The following CFHR4 variants were observed in gnomAD, a reference collection of about 807,000 sequenced individuals.
CFHR4 encodes complement factor H-related protein 4.
CFHR4 carries 64 observed loss-of-function variants against 69.3 expected under a neutral mutation model. That is an observed-to-expected ratio of 0.92 (90% confidence interval 0.76 to 1.14). The LOEUF (loss-of-function observed/expected upper bound fraction) is 1.14. Ranked by LOEUF, CFHR4 falls within the 50% of genes most tolerant of loss-of-function variation. The pLI, the probability that CFHR4 is intolerant of heterozygous loss-of-function variation, is 0.00. For missense variants in CFHR4, 636 were observed against 684.9 expected (o/e 0.93, Z 0.80); for synonymous variants, 244 against 237.0 (o/e 1.03, Z -0.27).
chr1:196,910,083 C>T (rs1254699801), intron 5 of CFHR4, among the ~76,000 whole-genome samples, 198 bp from the exon 6 acceptor site: 2 of 144,726 alleles, frequency 1.4e-5, no homozygotes, highest in Admixed American at 1.4e-4. Flanking sequence ...ACCTGGGAGA[C>T]GGAGGTCACA....
rs116892519 is a variant in CFHR4, at chr1:196,896,478, T to C, written c.59-5940T>C. Among the ~76,000 whole-genome samples the C allele has an allele frequency of 3.0e-4, 46 of 151,692 alleles. No individual in the cohort carries two copies. The East Asian group carries it at 8.7e-3, about 29-fold the overall frequency. On this transcript the variant is annotated intron_variant, in intron 1 of 9. Transcript: ENST00000608469. ...GCCGAAAAACAATGGCCGCCTATCTTTCTGTCTGCATCTCTGTGATCAAAG... is the reference window on the plus strand; with the variant it reads ...GCCGAAAAACAATGGCCGCCTATCTCTCTGTCTGCATCTCTGTGATCAAAG...
intron 9 of CFHR4, among the ~76,000 whole-genome samples, chr1:196,917,684 G>A (rs1171275783): frequency 6.6e-6 from 1 of 151,402 alleles, no homozygotes; most frequent in African/African-American, 2.4e-5. Flanking sequence ...ATGTATGTAT[G>A]TATATATAGA....
intron 6 of CFHR4, among the ~76,000 whole-genome samples, chr1:196,912,292 G>T (rs1471910060): frequency 6.6e-6 from 1 of 151,292 alleles, no homozygotes; most frequent in Admixed American, 6.6e-5. Context: ...GGAGACAACG[G>T]ATTTACAAAA....
rs956067956 is a variant in CFHR4 at position 196,913,018 on chromosome 1, G to T, written c.1180+96G>T. The stretch of plus-strand genomic sequence containing the variant: ...CTTAAAAATATAGAAAACACTTTTA[G>T]GAGTAAAGAGATACAAATACTTCTA... On this transcript the variant is annotated intron_variant, in intron 7 of 9. Coordinates refer to ENST00000608469, the MANE Select transcript of CFHR4 (RefSeq NM_001201550.3). The T allele has an allele frequency of 1.6e-5, 26 of 1,585,892 alleles. No individual in the cohort carries two copies. The Admixed American group carries it at 4.6e-4, about 28-fold the overall frequency.
intron 2 of CFHR4, among the ~76,000 whole-genome samples, chr1:196,902,821 G>T (rs961944623): frequency 1.3e-5 from 2 of 151,386 alleles, no homozygotes; most frequent in South Asian, 4.2e-4. Context: ...TGAGAATACC[G>T]ATATAATTTA....
intron 1 of CFHR4, among the ~76,000 whole-genome samples, chr1:196,894,597 G>T (rs539339758): frequency 6.6e-5 from 10 of 151,144 alleles, no homozygotes; most frequent in African/African-American, 2.2e-4. Context: ...GTTGAAAGAC[G>T]TTTTTTTTCT....
At chr1:196,911,910 A>C (rs1386348334) in intron 6 of CFHR4, among the ~76,000 whole-genome samples, 8 of 151,476 alleles carry the variant, frequency 5.3e-5, no homozygotes, top group Admixed American at 5.3e-4. Context: ...TAGATCAGAA[A>C]ACTCATGATT....
intron 5 of CFHR4, among the ~76,000 whole-genome samples, chr1:196,909,531 A>G (rs1021434440): frequency 4.0e-5 from 6 of 151,608 alleles, no homozygotes; most frequent in Admixed American, 2.0e-4. Context: ...TTGGATTTCA[A>G]AAGTGATATG....
In CFHR4 at chr1:196,912,964, G is replaced by T. The variant is rs373856577; in HGVS notation, c.1180+42G>T. ...TTCCCATTCAGTTTCTGTCAACTTCGTTCCTCTCTTTGAGATGATAGTGTT... is the reference window on the plus strand; with the variant it reads ...TTCCCATTCAGTTTCTGTCAACTTCTTTCCTCTCTTTGAGATGATAGTGTT... On this transcript the variant is annotated intron_variant, in intron 7 of 9. Transcript: ENST00000608469. The T allele has an allele frequency of 2.6e-4, 414 of 1,609,724 alleles. 5 individuals are homozygous for T. The highest frequency in any genetic ancestry group is 2.3e-4 in the Non-Finnish European group (269 of 1,177,886).
At chr1:196,910,241 G>A (rs1331066513) in intron 5 of CFHR4, 40 bp from the exon 6 acceptor site, 5 of 1,221,298 alleles carry the variant, frequency 4.1e-6, no homozygotes, top group African/African-American at 3.1e-5. Context: ...GTCTGTTACA[G>A]TGAAACATTA....
chr1:196,909,928 G>A (rs1379046281), intron 5 of CFHR4, among the ~76,000 whole-genome samples: 2 of 151,122 alleles, frequency 1.3e-5, no homozygotes, highest in Non-Finnish European at 2.9e-5. Flanking sequence ...AAAGCAGGTC[G>A]ATCACCTGAG....
chr1:196,890,705 T>C (rs1364542577), intron 1 of CFHR4, among the ~76,000 whole-genome samples: 1 of 151,516 alleles, frequency 6.6e-6, no homozygotes, highest in East Asian at 1.9e-4. Flanking sequence ...TTACACTCTG[T>C]TGCCATTGTA....
chr1:196,912,800 T>A lies in CFHR4; in HGVS notation c.1058T>A (p.Ile353Asn). 1 of 1,598,590 alleles carries A rather than the reference T, an allele frequency of 6.3e-7. No homozygotes were observed. Among genetic ancestry groups the A allele is most frequent in the Non-Finnish European group, 8.5e-7 (1 of 1,172,444 alleles). ...ENGFISESSS[I>N]YILNKEIQYK... The stretch of plus-strand genomic sequence containing the variant: ...GGATTCATTTCTGAATCTTCCTCTA[T>A]TTATATTTTAAATAAAGAAATACAA... Residue 353 changes from isoleucine to asparagine, a missense_variant, in exon 7 of 10, where the codon ATT becomes AAT. By Grantham distance (149) the Ile-to-Asn change is moderately radical. Coordinates refer to ENST00000608469, the MANE Select transcript of CFHR4 (RefSeq NM_001201550.3).
Position 196,909,264 on chromosome 1 carries a change from T to C in CFHR4, c.800-1017T>C, listed in dbSNP as rs181428582. Among the ~76,000 whole-genome samples the C allele has an allele frequency of 1.1e-3, 165 of 151,500 alleles. 4 individuals are homozygous for C. Among genetic ancestry groups the C allele is most frequent in the African/African-American group, 3.9e-3 (160 of 41,110 alleles). ...TGAGGACATAAGATCAGTTCCATGA[T>C]ACAAGCAAGACTTTCAGTCTTAAAA... On this transcript the variant is annotated intron_variant, in intron 5 of 9. Coordinates refer to ENST00000608469, the MANE Select transcript of CFHR4 (RefSeq NM_001201550.3).
chr1:196,905,159 C>A lies in CFHR4; in HGVS notation c.308C>A (p.Ser103Tyr). The change falls in exon 3 of 10, where the codon TCT becomes TAT. Residue 103 changes from serine (S) to tyrosine (Y), a missense_variant. Physicochemically the swap from Ser to Tyr is moderately radical, Grantham distance 144. This residue lies in a region of CFHR4 where 529 missense variants were observed against 533.2 expected (regional missense o/e 0.99). Transcript: ENST00000608469. Reference protein sequence around the residue: ...VEIENGFISESSSIYILNEET... With the variant: ...VEIENGFISEYSSIYILNEET... ...ATTGAAAATGGATTCATTTCTGAAT[C>A]TTCCTCTATTTATATTTTAAATGAA... 6.2e-7 allele frequency: 1 copy of A among 1,607,102 alleles called. No homozygotes were observed. The highest frequency in any genetic ancestry group is 8.5e-7 in the Non-Finnish European group (1 of 1,177,020).
chr1:196,902,600 A>G lies in CFHR4; in HGVS notation c.241A>G (p.Thr81Ala). The change falls in exon 2 of 10, where the codon ACG becomes GCG. Residue 81 changes from threonine to alanine, a missense_variant. Physicochemically the swap from Thr to Ala is moderately conservative, Grantham distance 58. Transcript: ENST00000608469. The stretch of plus-strand genomic sequence containing the variant: ...TTGCACACAAGATGGTTGGTCACCA[A>G]CGGTCCCATGCCTCAGTAAGTAAAC... ...IHCTQDGWSP[T>A]VPCLRTCSKS... 1.2e-6 allele frequency: 2 copies of G among 1,610,890 alleles called. No homozygotes were observed. Among genetic ancestry groups the G allele is most frequent in the Non-Finnish European group, 1.7e-6 (2 of 1,178,018 alleles).
At position 196,912,882 on chromosome 1, in the gene CFHR4, A is replaced by G. The variant is rs768416897; in HGVS notation, c.1140A>G (p.Thr380=). The change falls in exon 7 of 10, where the codon ACA becomes ACG. Residue 380 remains threonine, a synonymous_variant. Transcript: ENST00000608469. Reference sequence around the variant, plus strand: ...ATGGAAATTCTTCAGGTTCAATTACATGTTTGCAAAATGGATGGTCAGCAC... The same window carrying G: ...ATGGAAATTCTTCAGGTTCAATTACGTGTTTGCAAAATGGATGGTCAGCAC... ...TADGNSSGSI[T]CLQNGWSAQP... 1.1e-5 allele frequency: 17 copies of G among 1,611,640 alleles called. No individual in the cohort carries two copies. The Admixed American group carries it at 1.2e-4, about 11-fold the overall frequency.
In CFHR4 at chr1:196,907,774, C is replaced by A. The variant is rs182625833; in HGVS notation, c.799+276C>A. Reference sequence around the variant, plus strand: ...CTTCAAGAATGATATCCATTTATTGCACACATATGAAATACAGCATCTCAC... The same window carrying A: ...CTTCAAGAATGATATCCATTTATTGAACACATATGAAATACAGCATCTCAC... On this transcript the variant is annotated intron_variant, in intron 5 of 9. Coordinates refer to ENST00000608469, the MANE Select transcript of CFHR4 (RefSeq NM_001201550.3). Among the ~76,000 whole-genome samples, 2 of 151,482 alleles carry A rather than the reference C, an allele frequency of 1.3e-5. 1 individual carries two copies. The highest frequency in any genetic ancestry group is 3.9e-4 in the East Asian group (2 of 5,164).
rs772798618 is a variant in CFHR4, at chr1:196,902,653, T to C, written c.256+38T>C. 15 of 1,416,896 alleles carry C rather than the reference T, an allele frequency of 1.1e-5. No homozygotes were observed. In the South Asian group the frequency reaches 1.6e-4, roughly 15 times the overall value. 87.8% of individuals were successfully genotyped at this position (1,416,896 alleles called of 1,614,324 possible). On this transcript the variant is annotated intron_variant, in intron 2 of 9. Transcript: ENST00000608469. ...CTTTACAAGAATATGTGCATAAAAC[T>C]TGAAAAGAGTGAGAGAACAGCAAAT...
Sources: allele counts gnomAD v4.1 joint callset (sites outside exome capture counted in the v4.1 genomes callset), GRCh38; gene constraint gnomAD v4.1.1; regional missense constraint gnomAD v4.1.1; transcripts MANE v1.5; gene names NCBI Gene and HGNC (gene_info 2026-07-23, HGNC 2026-07-21).